The following PRICKLE3 variants were observed in gnomAD, a reference collection of about 807,000 sequenced individuals.
The protein encoded by PRICKLE3 is LIM domain only protein 6.
A neutral mutation model predicts 33.8 loss-of-function variants in PRICKLE3; 17 were observed. The observed-to-expected ratio is 0.50, with a 90% CI of 0.34 to 0.75. The LOEUF (loss-of-function observed/expected upper bound fraction) is 0.75, where lower values mean the gene tolerates loss of function less well. PRICKLE3 is among the 30% of genes least tolerant of loss of function. PRICKLE3 has a pLI of 0.01. For synonymous variants in PRICKLE3, 211 were observed against 219.6 expected, an observed-to-expected ratio of 0.96 and a Z score of 0.34; for missense variants, 573 against 576.7, an observed-to-expected ratio of 0.99 and a Z score of 0.07.
In PRICKLE3 at chrX:49,181,565, G is replaced by GTATATGTACGTGTATATATATACGTATA; in HGVS notation, c.313-1760_313-1759insTATACGTATATATATACACGTACATATA. Among the ~76,000 whole-genome samples, 34 of 20,541 alleles carry GTATATGTACGTGTATATATATACGTATA rather than the reference G, an allele frequency of 1.7e-3. 14 individuals are homozygous for GTATATGTACGTGTATATATATACGTATA. The highest frequency in any genetic ancestry group is 0.011 in the African/African-American group (32 of 2,889). The allele number at this position is 20,541 out of a possible 115,157, so 17.8% of individuals were successfully genotyped here. A position where few individuals can be genotyped will look rare whatever the true frequency, so the allele number is the denominator to read the frequency against. Reference sequence around the variant, plus strand: ...TACGTATATGTGTATATATATACACGTATATATACGTATATATATACGCGT... The same window carrying GTATATGTACGTGTATATATATACGTATA: ...TACGTATATGTGTATATATATACACGTATATGTACGTGTATATATATACGTATATATATATACGTATATATATACGCGT... On this transcript the variant is annotated intron_variant, in intron 3 of 8. Coordinates refer to ENST00000599218, the MANE Select transcript of PRICKLE3 (RefSeq NM_006150.5).
At chrX:49,184,392 T>C (rs141498372) in intron 2 of PRICKLE3, among the ~76,000 whole-genome samples, 2,297 of 107,809 alleles carry the variant, frequency 0.021, 28 homozygotes, top group Middle Eastern at 0.044. Flanking sequence ...ACTCCGCGGC[T>C]ACGGGAGAAC....
chrX:49,175,491 C>T lies in PRICKLE3; in HGVS notation c.*182G>A, dbSNP rs1024626625. The T allele has an allele frequency of 2.1e-6, 1 of 480,705 alleles. No individual in the cohort carries two copies. Among genetic ancestry groups the T allele is most frequent in the Admixed American group, 4.1e-5 (1 of 24,541 alleles). 39.6% of individuals were successfully genotyped at this position (480,705 alleles called of 1,213,427 possible). On this transcript the variant is annotated 3_prime_UTR_variant, in exon 9 of 9. Transcript: ENST00000599218. ...GAGCCCTGATCACACCACTGCACTC[C>T]AGCCTGGGCAATAGGGTAGACCAAG...
chrX:49,174,947 C>T lies in PRICKLE3; in HGVS notation c.*726G>A. On this transcript the variant is annotated 3_prime_UTR_variant, in exon 9 of 9. Coordinates refer to ENST00000599218, the MANE Select transcript of PRICKLE3 (RefSeq NM_006150.5). ...CACCAGTTCTGACTGAACCATGCCC[C>T]CACCTAAGTCACAAAATGAGGGAAG... is the stretch of plus-strand genomic sequence containing the variant. 2.3e-6 allele frequency: 1 copy of T among 439,687 alleles called. No individual in the cohort carries two copies. The highest frequency in any genetic ancestry group is 4.0e-6 in the Non-Finnish European group (1 of 249,814). 36.2% of individuals were successfully genotyped at this position (439,687 alleles called of 1,213,427 possible).
At chrX:49,182,138 G>A (rs980281603) in intron 3 of PRICKLE3, among the ~76,000 whole-genome samples, 2 of 109,831 alleles carry the variant, frequency 1.8e-5, no homozygotes, top group Non-Finnish European at 1.9e-5. Flanking sequence ...GTAGAGATGG[G>A]GTTTCACTAT....
Position 49,184,645 on chromosome X carries a change from G to C in PRICKLE3, c.108C>G (p.Gly36=). The change falls in exon 2 of 9, where the codon GGC becomes GGG. Residue 36 remains glycine, a synonymous_variant. Coordinates refer to ENST00000599218, the MANE Select transcript of PRICKLE3 (RefSeq NM_006150.5). The part of the protein sequence containing the change: ...PCNSCREQCP[G]FLLHGWRKIC... ...CTTACCTCCAGCCGTGGAGCAGGAA[G>C]CCAGGGCACTGCTCCCTACAGGAGT... 1 of 1,114,991 alleles carries C rather than the reference G, an allele frequency of 9.0e-7. No individual in the cohort carries two copies. The highest frequency in any genetic ancestry group is 2.2e-5 in the South Asian group (1 of 46,187). 91.9% of individuals were successfully genotyped at this position (1,114,991 alleles called of 1,213,427 possible). A position where few individuals can be genotyped will look rare whatever the true frequency, so the allele number is the denominator to read the frequency against.
Position 49,178,085 on chromosome X carries a change from T to G in PRICKLE3, c.863A>C (p.Gln288Pro). The G allele has an allele frequency of 3.4e-6, 4 of 1,181,635 alleles. No homozygotes were observed. Among genetic ancestry groups the G allele is most frequent in the Non-Finnish European group, 4.6e-6 (4 of 878,631 alleles). The stretch of plus-strand genomic sequence containing the variant: ...GCGGCTCTGACGCATGACATAGCGC[T>G]GCCCTCCTAGTGAAGCTTCACACTC... ...CFECEASLGGQRYVMRQSRPH... is the reference protein window; with the variant it reads ...CFECEASLGGPRYVMRQSRPH... The change falls in exon 7 of 9, where the codon CAG becomes CCG. Residue 288 changes from glutamine to proline, a missense_variant. Physicochemically the swap from Gln to Pro is moderately conservative, Grantham distance 76. Transcript: ENST00000599218.
In PRICKLE3 at chrX:49,177,089, G is replaced by A; in HGVS notation, c.1069C>T (p.Arg357Ter). 6.6e-6 allele frequency: 8 copies of A among 1,203,710 alleles called. No individual in the cohort carries two copies. Among genetic ancestry groups the A allele is most frequent in the Non-Finnish European group, 7.9e-6 (7 of 891,619 alleles). Residue 357 changes from arginine (R) to a stop codon, truncating the protein, a stop_gained, in exon 8 of 9, where the codon CGA (arginine) becomes TGA (stop). Coordinates refer to ENST00000599218, the MANE Select transcript of PRICKLE3 (RefSeq NM_006150.5). LOFTEE classifies it high-confidence loss of function. ...GCTCGAGAGCAGAAGATTAGGCCTCGGCGTGGCAGGAATGGGCGGCCCAGC... is the reference window on the plus strand; with the variant it reads ...GCTCGAGAGCAGAAGATTAGGCCTCAGCGTGGCAGGAATGGGCGGCCCAGC... ...ALLGRPFLPRRGLIFCSRACS... is the reference protein window; with the variant it reads ...ALLGRPFLPR
In PRICKLE3 at chrX:49,179,789, G is replaced by A. The variant is rs782381749; in HGVS notation, c.330C>T (p.Ser110=). Residue 110 remains serine (S), a synonymous_variant, in exon 4 of 9, where the codon AGC becomes AGT. Transcript: ENST00000599218. The part of the protein sequence containing the change: ...LKPEQVYQFF[S]CLPEDKVPYV... The stretch of plus-strand genomic sequence containing the variant: ...AGGGGACCTTGTCCTCTGGGAGGCA[G>A]CTGAAAAATTGATATACCTGGGAGG... The A allele has an allele frequency of 7.0e-6, 8 of 1,139,958 alleles. No homozygotes were observed. In the South Asian group the frequency reaches 1.4e-4, roughly 20 times the overall value. The allele number at this position is 1,139,958 out of a possible 1,213,427, so 93.9% of individuals were successfully genotyped here.
chrX:49,181,614 T>TGTATATATATACGTATATATATGTAC (rs2065456347), intron 3 of PRICKLE3, among the ~76,000 whole-genome samples: 1 of 28,465 alleles, frequency 3.5e-5, no homozygotes, highest in African/African-American at 1.3e-4. Flanking sequence ...TATATATATA[T>TGTATATATATACGTATATATATGTAC]GTGTATATAT....
rs782208998 is a variant in PRICKLE3 at position 49,177,075 on chromosome X, G to A, written c.1083C>T (p.Phe361=). ...ACCCAAGGCTGCAGGCTCGAGAGCA[G>A]AAGATTAGGCCTCGGCGTGGCAGGA... ...RPFLPRRGLI[F]CSRACSLGSE... Residue 361 remains phenylalanine, a synonymous_variant, in exon 8 of 9, where the codon TTC becomes TTT. Transcript: ENST00000599218. 10 of 1,206,954 alleles carry A rather than the reference G, an allele frequency of 8.3e-6. No homozygotes were observed. The East Asian group carries it at 3.0e-4, about 36-fold the overall frequency.
At chrX:49,184,510 A>G in intron 2 of PRICKLE3, 115 bp downstream of exon 2, 8 of 693,618 alleles carry the variant, frequency 1.2e-5, no homozygotes, top group Non-Finnish European at 1.6e-5. Context: ...TCTTTTCCCA[A>G]CTGAGATCCC....
rs201812536 is a variant in PRICKLE3 at position 49,179,798 on chromosome X, T to C, written c.321A>G (p.Gln107=). 2.1e-5 allele frequency: 23 copies of C among 1,102,203 alleles called. No individual in the cohort carries two copies. The highest frequency in any genetic ancestry group is 1.7e-4 in the African/African-American group (9 of 54,314). 90.8% of individuals were successfully genotyped at this position (1,102,203 alleles called of 1,213,427 possible). Residue 107 remains glutamine, a synonymous_variant, in exon 4 of 9, where the codon CAA becomes CAG. Coordinates refer to ENST00000599218, the MANE Select transcript of PRICKLE3 (RefSeq NM_006150.5). ...PPGLKPEQVY[Q]FFSCLPEDKV... is the part of the protein sequence containing the mutation. ...TGTCCTCTGGGAGGCAGCTGAAAAATTGATATACCTGGGAGGACATAGGAG... is the reference window on the plus strand; with the variant it reads ...TGTCCTCTGGGAGGCAGCTGAAAAACTGATATACCTGGGAGGACATAGGAG...
intron 3 of PRICKLE3, among the ~76,000 whole-genome samples, chrX:49,182,074 G>A (rs970216730): frequency 5.5e-5 from 6 of 109,234 alleles, no homozygotes; most frequent in Admixed American, 2.0e-4. Flanking sequence ...AGCCTCCCGA[G>A]TAGCTGGGAT....
chrX:49,184,639 C>A lies in PRICKLE3; in HGVS notation c.114G>T (p.Leu38=). 9.0e-7 allele frequency: 1 copy of A among 1,108,245 alleles called. No homozygotes were observed. Among genetic ancestry groups the A allele is most frequent in the African/African-American group, 1.8e-5 (1 of 54,128 alleles). The allele number at this position is 1,108,245 out of a possible 1,213,427, so 91.3% of individuals were successfully genotyped here. A position where few individuals can be genotyped will look rare whatever the true frequency, so the allele number is the denominator to read the frequency against. Residue 38 remains leucine (L), a synonymous_variant, in exon 2 of 9, where the codon CTG becomes CTT. Transcript: ENST00000599218. The stretch of plus-strand genomic sequence containing the variant: ...GCGCCACTTACCTCCAGCCGTGGAG[C>A]AGGAAGCCAGGGCACTGCTCCCTAC... ...NSCREQCPGF[L]LHGWRKICQH...
In PRICKLE3 at chrX:49,178,193, G is replaced by A; in HGVS notation, c.769-14C>T. ...GGAGAAGATGATCTGGAGGGCGCAG[G>A]CCATCTGTGGCTGTCAGATGAGCCT... On this transcript the variant is annotated splice_polypyrimidine_tract_variant and intron_variant, in intron 6 of 8. Coordinates refer to ENST00000599218, the MANE Select transcript of PRICKLE3 (RefSeq NM_006150.5). 1.7e-6 allele frequency: 2 copies of A among 1,194,384 alleles called. No homozygotes were observed. The highest frequency in any genetic ancestry group is 3.5e-5 in the African/African-American group (2 of 57,672).
At position 49,176,277 on chromosome X, in the gene PRICKLE3, G is replaced by T. The variant is rs1557100038; in HGVS notation, c.1256-12C>A. 9.1e-7 allele frequency: 1 copy of T among 1,098,472 alleles called. No individual in the cohort carries two copies. 90.5% of individuals were successfully genotyped at this position (1,098,472 alleles called of 1,213,427 possible). On this transcript the variant is annotated splice_polypyrimidine_tract_variant and intron_variant, in intron 8 of 8. Transcript: ENST00000599218. ...CTCAGGGCCTGTAGCTGTTAAGGGG[G>T]AGACAGAGTGACTCCTTGTATCTGC...
intron 3 of PRICKLE3, among the ~76,000 whole-genome samples, chrX:49,180,965 C>G (rs1218986398): frequency 9.0e-6 from 1 of 110,691 alleles, no homozygotes; most frequent in East Asian, 2.8e-4. Context: ...TCTTACCCCT[C>G]AAACTGCTCC....
intron 7 of PRICKLE3, 64 bp from the exon 8 acceptor site, chrX:49,177,266 G>T: frequency 9.7e-7 from 1 of 1,027,885 alleles, no homozygotes; most frequent in Non-Finnish European, 1.3e-6. Flanking sequence ...CACCCCTCGT[G>T]AACGAGTCCC....
chrX:49,177,055 A>C lies in PRICKLE3; in HGVS notation c.1103T>G (p.Leu368Arg). 8.3e-7 allele frequency: 1 copy of C among 1,208,021 alleles called. No homozygotes were observed. Among genetic ancestry groups the C allele is most frequent in the Non-Finnish European group, 1.1e-6 (1 of 893,611 alleles). Reference sequence around the variant, plus strand: ...CCCTGGAGCTGTGGGCTCGGACCCAAGGCTGCAGGCTCGAGAGCAGAAGAT... The same window carrying C: ...CCCTGGAGCTGTGGGCTCGGACCCACGGCTGCAGGCTCGAGAGCAGAAGAT... ...GLIFCSRACS[L>R]GSEPTAPGPS... The change falls in exon 8 of 9, where the codon CTT (leucine) becomes CGT (arginine). Residue 368 changes from leucine to arginine, a missense_variant. Transcript: ENST00000599218.
Sources: allele counts gnomAD v4.1 joint callset (sites outside exome capture counted in the v4.1 genomes callset), GRCh38; gene constraint gnomAD v4.1.1; transcripts MANE v1.5; gene names NCBI Gene and HGNC (gene_info 2026-07-23, HGNC 2026-07-21).